Variants in CHCHD6 observed in about 807,000 individuals in gnomAD.
CHCHD6 encodes the protein MICOS complex subunit MIC25.
Under a neutral mutation model 32.3 loss-of-function variants are expected in CHCHD6, and 28 were observed. That is an observed-to-expected ratio of 0.87 (90% CI 0.64 to 1.19). CHCHD6 has a LOEUF of 1.19. CHCHD6 is among the 50% of genes most tolerant of loss of function. CHCHD6 has a pLI of 0.00. For missense variants in CHCHD6, 333 were observed against 307.0 expected (o/e 1.08, Z -0.63); for synonymous variants, 122 against 117.5 (o/e 1.04, Z -0.25).
At chr3:126,904,253 T>C (rs1212632581) in intron 5 of CHCHD6, among the ~76,000 whole-genome samples, 1 of 152,156 alleles carries the variant, frequency 6.6e-6, no homozygotes, top group African/African-American at 2.4e-5. Flanking sequence ...AGCCCTGTAG[T>C]CTTCAAAAAT....
chr3:126,821,546 G>A (rs1940153464), intron 4 of CHCHD6, among the ~76,000 whole-genome samples: 1 of 152,162 alleles, frequency 6.6e-6, no homozygotes, highest in African/African-American at 2.4e-5. Context: ...CACCTGCCTT[G>A]GCCTCCCAAA....
intron 5 of CHCHD6, among the ~76,000 whole-genome samples, chr3:126,909,251 A>G (rs2078049544): frequency 6.6e-6 from 1 of 152,336 alleles, no homozygotes; most frequent in African/African-American, 2.4e-5. Flanking sequence ...GTGATTGCAC[A>G]TGCCTTAATG....
At chr3:126,788,022 G>T (rs190793968) in intron 4 of CHCHD6, among the ~76,000 whole-genome samples, 1 of 151,932 alleles carries the variant, frequency 6.6e-6, no homozygotes, top group East Asian at 1.9e-4. Context: ...TTTATTGAGA[G>T]TTTTTAGCAT....
chr3:126,929,817 C>T (rs1241985605), intron 6 of CHCHD6, among the ~76,000 whole-genome samples: 1 of 152,226 alleles, frequency 6.6e-6, no homozygotes. Flanking sequence ...CCACCTGCCT[C>T]AGCCTCCCAA....
chr3:126,728,586 C>T (rs1237398138), intron 2 of CHCHD6, among the ~76,000 whole-genome samples: 2 of 152,196 alleles, frequency 1.3e-5, no homozygotes, highest in Admixed American at 1.3e-4. Context: ...TTACTCCCCA[C>T]GCTGGCTCTA....
intron 5 of CHCHD6, among the ~76,000 whole-genome samples, chr3:126,872,587 A>G (rs1576536560): frequency 6.6e-6 from 1 of 152,170 alleles, no homozygotes; most frequent in East Asian, 1.9e-4. Context: ...TAGAAGCTGG[A>G]TTCCTTGCAC....
At chr3:126,721,842 A>G (rs9816401) in intron 1 of CHCHD6, among the ~76,000 whole-genome samples, 31,196 of 151,672 alleles carry the variant, frequency 0.21, 3,482 homozygotes, top group South Asian at 0.35. Flanking sequence ...GGAATACGCC[A>G]CACAGTGTGG....
chr3:126,787,638 G>T (rs1055352066), intron 4 of CHCHD6, among the ~76,000 whole-genome samples: 2 of 152,090 alleles, frequency 1.3e-5, no homozygotes, highest in Non-Finnish European at 2.9e-5. Context: ...TCTGTTATTG[G>T]TGTATAGGAA....
chr3:126,712,253 G>C (rs1934782615), intron 1 of CHCHD6, among the ~76,000 whole-genome samples: 2 of 152,192 alleles, frequency 1.3e-5, no homozygotes. Context: ...TCACTCTCAA[G>C]GGTTTAGTTG....
intron 4 of CHCHD6, among the ~76,000 whole-genome samples, chr3:126,778,309 T>C (rs575000291): frequency 2.8e-4 from 43 of 152,344 alleles, no homozygotes; most frequent in South Asian, 6.2e-4. Flanking sequence ...TTGGATCAAA[T>C]AGTAACTCTA....
intron 6 of CHCHD6, among the ~76,000 whole-genome samples, chr3:126,938,263 A>C (rs921239793): frequency 2.0e-5 from 3 of 152,210 alleles, no homozygotes; most frequent in Non-Finnish European, 4.4e-5. Context: ...CACCGTAGCC[A>C]GAGCGACAGC....
intron 2 of CHCHD6, among the ~76,000 whole-genome samples, chr3:126,729,652 T>C (rs1935691652): frequency 6.6e-6 from 1 of 152,192 alleles, no homozygotes; most frequent in Non-Finnish European, 1.5e-5. Context: ...TCTCCTCCCA[T>C]GAGAGGTGGT....
At chr3:126,724,731 A>G (rs1331286973) in intron 1 of CHCHD6, among the ~76,000 whole-genome samples, 1 of 152,080 alleles carries the variant, frequency 6.6e-6, no homozygotes, top group African/African-American at 2.4e-5. Context: ...CCCTGCTGCT[A>G]CTCTATCAAC....
intron 6 of CHCHD6, among the ~76,000 whole-genome samples, chr3:126,955,435 A>G (rs554574999): frequency 1.3e-5 from 2 of 152,372 alleles, no homozygotes; most frequent in South Asian, 4.1e-4. Flanking sequence ...GACTTGGTGC[A>G]TGCAATGCAG....
chr3:126,919,640 T>A (rs2078218701), intron 6 of CHCHD6, among the ~76,000 whole-genome samples: 1 of 150,778 alleles, frequency 6.6e-6, no homozygotes, highest in South Asian at 2.1e-4. Context: ...TTTTTTTTTT[T>A]AGTGTATCTT....
intron 1 of CHCHD6, among the ~76,000 whole-genome samples, chr3:126,719,892 T>A (rs1283199954): frequency 6.6e-6 from 1 of 151,978 alleles, no homozygotes; most frequent in Non-Finnish European, 1.5e-5. Context: ...TTTTTTTTTT[T>A]AATTTGAGAC....
intron 5 of CHCHD6, among the ~76,000 whole-genome samples, chr3:126,863,323 TCCTCCTCCTCCTCCATCA>T (rs1559888561): frequency 2.6e-5 from 2 of 76,030 alleles, no homozygotes; most frequent in East Asian, 4.1e-4. Flanking sequence ...CATCACCACC[TCCTCCTCCTCCTCCATCA>T]CCTCCTCCTC....
chr3:126,812,318 T>G (rs1167790475), intron 4 of CHCHD6, among the ~76,000 whole-genome samples: 113 of 147,800 alleles, frequency 7.6e-4, no homozygotes, highest in African/African-American at 2.5e-3. Flanking sequence ...CATGTGTGTT[T>G]TTTTTTTTTT....
Position 126,916,826 on chromosome 3 carries a change from G to A in CHCHD6, c.566+2076G>A, listed in dbSNP as rs138835478. 2.2e-3 allele frequency among the ~76,000 whole-genome samples: 331 copies of A among 152,360 alleles called. 1 individual carries two copies. Among genetic ancestry groups the A allele is most frequent in the African/African-American group, 7.5e-3 (310 of 41,582 alleles). The stretch of plus-strand genomic sequence containing the variant: ...CAGCTACAGCATGGATGTGATCCCC[G>A]GAGGTGGGCCAGGCCACAGCTCCTG... On this transcript the variant is annotated intron_variant, in intron 6 of 7. Transcript: ENST00000290913.
Sources: gnomAD v4.1 joint callset for allele counts (sites outside exome capture counted in the v4.1 genomes callset) on GRCh38, gnomAD v4.1.1 for gene constraint, MANE v1.5 for transcripts, NCBI Gene and HGNC (gene_info 2026-07-23, HGNC 2026-07-21) for gene names.